MMP14: variants seen among roughly 807,000 people sequenced by gnomAD.
The protein encoded by MMP14 is matrix metallopeptidase 14.
Under a neutral mutation model 64.8 loss-of-function variants are expected in MMP14, and 13 were observed. The observed-to-expected ratio is 0.20, with a 90% CI of 0.13 to 0.32. The LOEUF is 0.32. Ranked by LOEUF, MMP14 falls within the 10% of genes least tolerant of loss-of-function variation. The pLI is 1.00. For missense variants in MMP14, 594 were observed against 783.8 expected, an observed-to-expected ratio of 0.76 and a Z score of 2.89; for synonymous variants, 322 against 315.9, an observed-to-expected ratio of 1.02 and a Z score of -0.20.
chr14:22,839,343 C>G (rs1368023685), intron 1 of MMP14, among the ~76,000 whole-genome samples: 1 of 152,256 alleles, frequency 6.6e-6, no homozygotes, highest in Non-Finnish European at 1.5e-5. Flanking sequence ...GCAGGCCTCC[C>G]CAGGCACTGG....
intron 1 of MMP14, among the ~76,000 whole-genome samples, chr14:22,838,511 C>T (rs1435594131): frequency 6.6e-6 from 1 of 152,292 alleles, no homozygotes; most frequent in Non-Finnish European, 1.5e-5. Flanking sequence ...CCCCTGGACC[C>T]CTAAGCCAAG....
intron 8 of MMP14, among the ~76,000 whole-genome samples, chr14:22,845,044 T>C (rs1299050560): frequency 2.0e-5 from 3 of 152,084 alleles, no homozygotes; most frequent in African/African-American, 7.2e-5. Flanking sequence ...GCACTGTCAT[T>C]AGGGCTACTG....
In MMP14 at chr14:22,844,364, C is replaced by T; in HGVS notation, c.1012-7C>T. The T allele has an allele frequency of 6.2e-7, 1 of 1,614,120 alleles. No homozygotes were observed. The highest frequency in any genetic ancestry group is 1.1e-5 in the South Asian group (1 of 91,072). ...AATGGACTTTTCCTGCATTGACCGG[C>T]TTCCAGGAGCGCTGGTTCTGGCGGG... On this transcript the variant is annotated splice_region_variant and splice_polypyrimidine_tract_variant and intron_variant, in intron 6 of 9. Coordinates refer to ENST00000311852, the MANE Select transcript of MMP14 (RefSeq NM_004995.4).
chr14:22,837,485 T>C (rs749616263), intron 1 of MMP14: 2 of 444,174 alleles, frequency 4.5e-6, no homozygotes, highest in South Asian at 3.1e-5. Flanking sequence ...ACAGCCCCCG[T>C]CTCCCCGAGA....
At chr14:22,845,493 G>A (rs1281088533) in intron 9 of MMP14, 127 bp downstream of exon 9, 17 of 851,680 alleles carry the variant, frequency 2.0e-5, no homozygotes, top group South Asian at 1.8e-4. Context: ...CATACCAGGC[G>A]CTGGGCTAGG....
At position 22,846,295 on chromosome 14, in the gene MMP14, G is replaced by T. The variant is rs932576394; in HGVS notation, c.*256G>T. 5 of 503,456 alleles carry T rather than the reference G, an allele frequency of 9.9e-6. No homozygotes were observed. Among genetic ancestry groups the T allele is most frequent in the African/African-American group, 3.9e-5 (2 of 51,646 alleles). The allele number at this position is 503,456 out of a possible 1,614,324, so 31.2% of individuals were successfully genotyped here. A position where few individuals can be genotyped will look rare whatever the true frequency, so the allele number is the denominator to read the frequency against. ...CCCTTTCCAGCCTCTGCCCCTCAGG[G>T]GAACCCTGTAGCTTTGTGTCTGTCC... On this transcript the variant is annotated 3_prime_UTR_variant, in exon 10 of 10. Transcript: ENST00000311852.
At chr14:22,844,585 T>C (rs2039798488) in intron 7 of MMP14, 45 bp from the exon 8 acceptor site, 4 of 1,613,688 alleles carry the variant, frequency 2.5e-6, no homozygotes, top group Non-Finnish European at 3.4e-6. Flanking sequence ...CTAAAGTCCC[T>C]AGAGCCTAAG....
intron 1 of MMP14, 94 bp from the exon 2 acceptor site, chr14:22,841,397 C>A: frequency 1.3e-6 from 2 of 1,517,730 alleles, no homozygotes; most frequent in East Asian, 2.3e-5. Flanking sequence ...CCTTTCCTTG[C>A]CAAGCCAAGG....
rs191458924 is a variant in MMP14 at position 22,846,377 on chromosome 14, G to T, written c.*338G>T. 2.6e-3 allele frequency: 774 copies of T among 295,504 alleles called. 2 individuals are homozygous for T. Among genetic ancestry groups the T allele is most frequent in the Non-Finnish European group, 4.0e-3 (640 of 158,444 alleles). 18.3% of individuals were successfully genotyped at this position (295,504 alleles called of 1,614,324 possible). Reference sequence around the variant, plus strand: ...CTTGAAGGCAGGACCCTCAGACCTCGCTGGTAAAGGTCAAATGGGGTCATC... The same window carrying T: ...CTTGAAGGCAGGACCCTCAGACCTCTCTGGTAAAGGTCAAATGGGGTCATC... On this transcript the variant is annotated 3_prime_UTR_variant, in exon 10 of 10. Transcript: ENST00000311852.
chr14:22,842,882 G>T lies in MMP14; in HGVS notation c.688+165G>T, dbSNP rs2039783336. On this transcript the variant is annotated intron_variant, in intron 4 of 9. Transcript: ENST00000311852. This position sits in a 1 kb window ranked among gnomAD's most constrained non-coding sequence, Gnocchi z 5.3. Reference sequence around the variant, plus strand: ...GTCCTGTTTGAGCTATTTACATCTGGTCCCCCCTCTCACCCACTGACTGGC... The same window carrying T: ...GTCCTGTTTGAGCTATTTACATCTGTTCCCCCCTCTCACCCACTGACTGGC... Among the ~76,000 whole-genome samples, 1 of 151,736 alleles carries T rather than the reference G, an allele frequency of 6.6e-6. No individual in the cohort carries two copies. The highest frequency in any genetic ancestry group is 1.5e-5 in the Non-Finnish European group (1 of 67,970).
intron 1 of MMP14, among the ~76,000 whole-genome samples, chr14:22,841,058 C>A (rs1334111226): frequency 6.6e-6 from 1 of 152,218 alleles, no homozygotes; most frequent in Non-Finnish European, 1.5e-5. Flanking sequence ...CAGGTCAAGC[C>A]CAATAGTAGA....
chr14:22,845,001 C>A (rs190390629), intron 8 of MMP14, among the ~76,000 whole-genome samples: 158 of 152,222 alleles, frequency 1.0e-3, no homozygotes, highest in Non-Finnish European at 2.0e-3. Context: ...GCGCCTCCTG[C>A]CCCCAGCACT....
chr14:22,837,934 C>T (rs1209347755), intron 1 of MMP14, among the ~76,000 whole-genome samples: 2 of 152,216 alleles, frequency 1.3e-5, no homozygotes, highest in African/African-American at 4.8e-5. Context: ...CTCAGCCTGG[C>T]AAGGGCCTGG....
In MMP14 at chr14:22,842,248, T is replaced by C. The variant is rs1009876530; in HGVS notation, c.381-162T>C. 5 of 1,020,068 alleles carry C rather than the reference T, an allele frequency of 4.9e-6. No individual in the cohort carries two copies. The highest frequency in any genetic ancestry group is 7.1e-6 in the Non-Finnish European group (5 of 703,258). The allele number at this position is 1,020,068 out of a possible 1,614,324, so 63.2% of individuals were successfully genotyped here. ...AGAGAGCCAGAGCCTGAGGATCCCT[T>C]GTTCTTGAGACAGAGGCGTTGCGCA... On this transcript the variant is annotated intron_variant, in intron 3 of 9. Transcript: ENST00000311852. The surrounding 1 kb of genome is among the most constrained non-coding windows in gnomAD (Gnocchi z 5.3).
At position 22,842,507 on chromosome 14, in the gene MMP14, C is replaced by T. The variant is rs761785718; in HGVS notation, c.478C>T (p.Arg160Cys). The change falls in exon 4 of 10, where the codon CGC (arginine) becomes TGC (cysteine). Residue 160 changes from arginine (R) to cysteine (C), a missense_variant. This residue lies in a region of MMP14 where 179 missense variants were observed against 283.4 expected (regional missense o/e 0.63). Transcript: ENST00000311852. The surrounding 1 kb of genome is among the most constrained non-coding windows in gnomAD (Gnocchi z 5.3). The stretch of plus-strand genomic sequence containing the variant: ...GGAGAGTGCCACACCACTGCGCTTC[C>T]GCGAGGTGCCCTATGCCTACATCCG... The part of the protein sequence containing the change: ...VWESATPLRF[R>C]EVPYAYIREG... 7.4e-6 allele frequency: 12 copies of T among 1,614,056 alleles called. No individual in the cohort carries two copies. Among genetic ancestry groups the T allele is most frequent in the East Asian group, 6.7e-5 (3 of 44,868 alleles).
rs962930465 is a variant in MMP14 at position 22,846,217 on chromosome 14, C to T, written c.*178C>T. On this transcript the variant is annotated 3_prime_UTR_variant, in exon 10 of 10. Transcript: ENST00000311852. ...CCTGACCGCCTCCCTCCCTCCTGCC[C>T]CGGCATTGCATCTTCCCTAGATAGG... 9.6e-6 allele frequency: 6 copies of T among 626,474 alleles called. No homozygotes were observed. Among genetic ancestry groups the T allele is most frequent in the African/African-American group, 9.2e-5 (5 of 54,188 alleles). 38.8% of individuals were successfully genotyped at this position (626,474 alleles called of 1,614,324 possible). A position where few individuals can be genotyped will look rare whatever the true frequency, so the allele number is the denominator to read the frequency against.
chr14:22,842,316 C>T lies in MMP14; in HGVS notation c.381-94C>T, dbSNP rs907351161. 63 of 1,403,686 alleles carry T rather than the reference C, an allele frequency of 4.5e-5. No homozygotes were observed. The highest frequency in any genetic ancestry group is 2.7e-4 in the South Asian group (20 of 74,132). 87.0% of individuals were successfully genotyped at this position (1,403,686 alleles called of 1,614,324 possible). A position where few individuals can be genotyped will look rare whatever the true frequency, so the allele number is the denominator to read the frequency against. On this transcript the variant is annotated intron_variant, in intron 3 of 9. Coordinates refer to ENST00000311852, the MANE Select transcript of MMP14 (RefSeq NM_004995.4). This position sits in a 1 kb window ranked among gnomAD's most constrained non-coding sequence, Gnocchi z 5.3. Reference sequence around the variant, plus strand: ...CTGGGTCAGGCAGAGGTGGCTGGGCCGCGCAGTCAGACCTGGGAGAGTGCA... The same window carrying T: ...CTGGGTCAGGCAGAGGTGGCTGGGCTGCGCAGTCAGACCTGGGAGAGTGCA...
chr14:22,844,078 T>A (rs1009107498), intron 6 of MMP14, among the ~76,000 whole-genome samples: 2 of 151,732 alleles, frequency 1.3e-5, no homozygotes, highest in African/African-American at 4.8e-5. Context: ...GCGCCTATGA[T>A]CCCAGCTACC....
Position 22,843,666 on chromosome 14 carries a change from GCCT to G in MMP14, c.851-37_851-35del, listed in dbSNP as rs754420649. The G allele has an allele frequency of 1.3e-6, 2 of 1,560,932 alleles. No individual in the cohort carries two copies. Among genetic ancestry groups the G allele is most frequent in the East Asian group, 4.5e-5 (2 of 44,000 alleles). On this transcript the variant is annotated intron_variant, in intron 5 of 9. Transcript: ENST00000311852. The surrounding 1 kb of genome is among the most constrained non-coding windows in gnomAD (Gnocchi z 4.8). ...CCCATCTGTCTGTCCTTCCGTCCCC[GCCT>G]CCTCCTAAGTCTGAAATGCCCCTCG...
Sources: gnomAD v4.1 joint callset for allele counts (sites outside exome capture counted in the v4.1 genomes callset) on GRCh38, gnomAD v4.1.1 for gene constraint, gnomAD v4.1.1 regional missense constraint, Gnocchi (gnomAD v3.1) non-coding constraint, MANE v1.5 for transcripts, NCBI Gene and HGNC (gene_info 2026-07-23, HGNC 2026-07-21) for gene names.